Variants in PALD1 observed in about 807,000 individuals in gnomAD.
The protein encoded by PALD1 is phosphatase domain containing paladin 1, also known as paladin.
A neutral mutation model predicts 96.0 loss-of-function variants in PALD1; 57 were observed. That is an observed-to-expected ratio of 0.59 (90% CI 0.48 to 0.74). PALD1 has a LOEUF of 0.74. Among genes scored for constraint, PALD1 ranks in the 30% least tolerant of loss-of-function variants. The pLI is 0.00. For synonymous variants in PALD1, 464 were observed against 473.6 expected, an observed-to-expected ratio of 0.98 and a Z score of 0.26; for missense variants, 1,063 against 1,143.7, an observed-to-expected ratio of 0.93 and a Z score of 1.02.
intron 1 of PALD1, chr10:70,486,022 A>G: frequency 4.5e-6 from 1 of 221,570 alleles, no homozygotes; most frequent in Admixed American, 4.3e-5. Flanking sequence ...TTCTTGGGGC[A>G]TCATCTTATT....
Position 70,539,743 on chromosome 10 carries a change from T to C in PALD1, c.1889T>C (p.Phe630Ser). 2 of 1,611,082 alleles carry C rather than the reference T, an allele frequency of 1.2e-6. No homozygotes were observed. Among genetic ancestry groups the C allele is most frequent in the Non-Finnish European group, 1.7e-6 (2 of 1,179,074 alleles). The change falls in exon 15 of 20, where the codon TTC (phenylalanine) becomes TCC (serine). Residue 630 changes from phenylalanine (F) to serine (S), a missense_variant. Transcript: ENST00000263563. The surrounding 1 kb of genome is among the most constrained non-coding windows in gnomAD (Gnocchi z 4.5). ...TACCACCGCATCCCCATGCCGGACT[T>C]CTGTGCCCCCCGAGAGGAGGTGAGG... ...LTYHRIPMPD[F>S]CAPREEDFDQ...
intron 1 of PALD1, among the ~76,000 whole-genome samples, chr10:70,505,394 G>A (rs891079876): frequency 1.3e-5 from 2 of 152,016 alleles, no homozygotes; most frequent in African/African-American, 2.4e-5. Context: ...TCGGGGGTTC[G>A]AGACTAGCCT....
At chr10:70,548,086 A>G (rs768386675) in intron 18 of PALD1, among the ~76,000 whole-genome samples, 20 of 152,294 alleles carry the variant, frequency 1.3e-4, no homozygotes, top group Non-Finnish European at 2.5e-4. Flanking sequence ...CAGGCAGACC[A>G]CCTGAGGTCA....
chr10:70,521,657 G>T (rs1054601226), intron 1 of PALD1, among the ~76,000 whole-genome samples: 3 of 151,274 alleles, frequency 2.0e-5, no homozygotes, highest in African/African-American at 7.3e-5. Flanking sequence ...TCAGCCTCCC[G>T]AGTAGCTGGG....
chr10:70,509,635 A>T (rs1414456260), intron 1 of PALD1, among the ~76,000 whole-genome samples: 1 of 152,120 alleles, frequency 6.6e-6, no homozygotes, highest in East Asian at 1.9e-4. Flanking sequence ...CTGGATGTTG[A>T]TGGATGTACT....
chr10:70,504,220 C>T (rs1033785271), intron 1 of PALD1, among the ~76,000 whole-genome samples: 5 of 152,216 alleles, frequency 3.3e-5, no homozygotes, highest in Non-Finnish European at 5.9e-5. Flanking sequence ...GAAATTGAAA[C>T]AGTATATTTA....
At chr10:70,460,134 G>C in the PALD1 span, among the ~76,000 whole-genome samples, 4 of 152,070 alleles carry the variant, frequency 2.6e-5, no homozygotes, top group Non-Finnish European at 5.9e-5. Context: ...CTTCCCTTCC[G>C]CCGTCTGGGC....
chr10:70,485,733 C>T (rs777612611), intron 1 of PALD1: 89 of 153,806 alleles, frequency 5.8e-4, no homozygotes, highest in Non-Finnish European at 1.0e-3. Context: ...ATTACAACCA[C>T]GGAAGGGGCA....
chr10:70,498,912 G>A (rs1846242757), intron 1 of PALD1, among the ~76,000 whole-genome samples: 1 of 146,508 alleles, frequency 6.8e-6, no homozygotes, highest in Non-Finnish European at 1.5e-5. Context: ...TGGGCAACAA[G>A]AGCAAAACTT....
intron 17 of PALD1, 89 bp from the exon 18 acceptor site, chr10:70,547,217 G>T: frequency 8.3e-7 from 1 of 1,207,412 alleles, no homozygotes; most frequent in Non-Finnish European, 1.2e-6. Flanking sequence ...TAGGCCTGGT[G>T]TGGCCTTTTG....
intron 17 of PALD1, among the ~76,000 whole-genome samples, chr10:70,544,454 C>T (rs1847319820): frequency 6.6e-6 from 1 of 151,858 alleles, no homozygotes; most frequent in Admixed American, 6.6e-5. Flanking sequence ...GTCTGGGGGC[C>T]CCAGCAGGCA....
Position 70,539,794 on chromosome 10 carries a change from G to A in PALD1, c.1908+32G>A, listed in dbSNP as rs889802104. ...GTGCTGCTCAGGCTGAGGCCTCTGG[G>A]GAGGGACAGGAGGCCTCCCTGTCTC... On this transcript the variant is annotated intron_variant, in intron 15 of 19. Transcript: ENST00000263563. The surrounding 1 kb of genome is among the most constrained non-coding windows in gnomAD (Gnocchi z 4.5). The A allele has an allele frequency of 1.1e-5, 17 of 1,559,304 alleles. No individual in the cohort carries two copies. Among genetic ancestry groups the A allele is most frequent in the Non-Finnish European group, 1.4e-5 (16 of 1,152,818 alleles).
intron 18 of PALD1, among the ~76,000 whole-genome samples, chr10:70,555,136 G>A (rs985721711): frequency 7.5e-5 from 11 of 147,116 alleles, no homozygotes; most frequent in African/African-American, 1.8e-4. Flanking sequence ...CACCACTCCC[G>A]GCTAATTTTT....
chr10:70,505,320 G>A (rs1294717676), intron 1 of PALD1, among the ~76,000 whole-genome samples: 1 of 152,218 alleles, frequency 6.6e-6, no homozygotes, highest in African/African-American at 2.4e-5. Flanking sequence ...CCATGGCCAG[G>A]TGTGGTGGCT....
chr10:70,534,171 G>T (rs1847058172), intron 8 of PALD1, 98 bp downstream of exon 8: 4 of 1,365,446 alleles, frequency 2.9e-6, no homozygotes, highest in Non-Finnish European at 3.9e-6. Flanking sequence ...CCCAGAGCCA[G>T]AGCTGGAAAT....
chr10:70,541,735 G>A (rs1847253021), intron 17 of PALD1, among the ~76,000 whole-genome samples: 1 of 152,094 alleles, frequency 6.6e-6, no homozygotes, highest in Non-Finnish European at 1.5e-5. Context: ...CCTGGCAGAC[G>A]GCCGGCTATG....
At chr10:70,534,214 C>G (rs571281470) in intron 8 of PALD1, 141 bp downstream of exon 8, 2 of 1,079,346 alleles carry the variant, frequency 1.9e-6, no homozygotes, top group Admixed American at 5.8e-5. Context: ...TGGTTTGCCA[C>G]GAGACTTGCT....
At position 70,547,424 on chromosome 10, in the gene PALD1, T is replaced by C. The variant is rs749210045; in HGVS notation, c.2240T>C (p.Ile747Thr). ...CCCATGCACTACCACCTGCGGGAGA[T>C]CATCATCTGCACCTACCGCCAGGTG... ...MTPMHYHLRE[I>T]IICTYRQAKA... Residue 747 changes from isoleucine to threonine, a missense_variant, in exon 18 of 20, where the codon ATC becomes ACC. Physicochemically the swap from Ile to Thr is moderately conservative, Grantham distance 89. Transcript: ENST00000263563. The C allele has an allele frequency of 5.6e-6, 9 of 1,611,300 alleles. No individual in the cohort carries two copies. The highest frequency in any genetic ancestry group is 1.3e-5 in the African/African-American group (1 of 74,802).
intron 18 of PALD1, among the ~76,000 whole-genome samples, chr10:70,551,894 G>T (rs4747049): frequency 0.014 from 2,029 of 145,704 alleles, 62 homozygotes; most frequent in Admixed American, 0.077. Flanking sequence ...CTCAGGTTGA[G>T]CAAAGAGTCT....
Sources: allele counts gnomAD v4.1 joint callset (sites outside exome capture counted in the v4.1 genomes callset), GRCh38; gene constraint gnomAD v4.1.1; non-coding constraint Gnocchi (gnomAD v3.1); transcripts MANE v1.5; gene names NCBI Gene and HGNC (gene_info 2026-07-23, HGNC 2026-07-21).